The following CSMD1 variants were observed in gnomAD, a reference collection of about 807,000 sequenced individuals.
CSMD1 encodes CUB and Sushi multiple domains 1, also known as CUB and sushi domain-containing protein 1.
In CSMD1, 213 loss-of-function variants were observed where a neutral mutation model predicts 417.5. That is an observed-to-expected ratio of 0.51 (90% CI 0.46 to 0.57). CSMD1 has a LOEUF of 0.57. CSMD1 is among the 20% of genes least tolerant of loss of function. The pLI is 0.00. For synonymous variants in CSMD1, 2,862 were observed against 1,736.8 expected (o/e 1.65, Z -16.11); for missense variants, 6,923 against 4,529.7 (o/e 1.53, Z -15.17).
chr8:3,887,903 A>G (rs576985020), intron 5 of CSMD1, among the ~76,000 whole-genome samples: 14 of 152,228 alleles, frequency 9.2e-5, no homozygotes, highest in Non-Finnish European at 1.5e-4. Flanking sequence ...ATGAAAACTC[A>G]GTTGACATCA....
chr8:4,041,083 C>A, intron 3 of CSMD1, among the ~76,000 whole-genome samples: 1 of 135,928 alleles, frequency 7.4e-6, no homozygotes, highest in East Asian at 2.2e-4. Flanking sequence ...GTGGCGCGAT[C>A]TCGGCTCACT....
chr8:4,255,799 G>A (rs966502138), intron 3 of CSMD1, among the ~76,000 whole-genome samples: 8 of 152,120 alleles, frequency 5.3e-5, no homozygotes, highest in African/African-American at 1.7e-4. Context: ...TCCATTCCAT[G>A]GCCTCCTCTG....
intron 3 of CSMD1, among the ~76,000 whole-genome samples, chr8:4,348,549 G>A (rs1020400541): frequency 7.4e-5 from 11 of 149,518 alleles, no homozygotes; most frequent in Non-Finnish European, 1.5e-4. Context: ...AAATAAAAGT[G>A]TGTGTGTGCA....
At chr8:3,880,093 C>T (rs746164068) in intron 5 of CSMD1, among the ~76,000 whole-genome samples, 10 of 151,730 alleles carry the variant, frequency 6.6e-5, no homozygotes, top group Non-Finnish European at 1.2e-4. Context: ...ACCTAACAAA[C>T]GTATTACTAA....
At chr8:2,949,242 C>T (rs1802456307) in intron 68 of CSMD1, 57 bp downstream of exon 68, 2 of 876,108 alleles carry the variant, frequency 2.3e-6, no homozygotes, top group Non-Finnish European at 3.6e-6. Flanking sequence ...TTCTTAGAAA[C>T]ATCATTGGAA....
intron 3 of CSMD1, among the ~76,000 whole-genome samples, chr8:4,074,968 C>T (rs1055034851): frequency 1.3e-5 from 2 of 152,114 alleles, no homozygotes; most frequent in African/African-American, 4.8e-5. Flanking sequence ...TTTGAGTCTG[C>T]CTTCCCTAAT....
At chr8:3,975,780 TGA>T (rs1554504062) in intron 5 of CSMD1, among the ~76,000 whole-genome samples, 130 of 152,342 alleles carry the variant, frequency 8.5e-4, no homozygotes, top group Admixed American at 1.8e-3. Context: ...AAGATTTCTC[TGA>T]TAACTTAAAA....
intron 2 of CSMD1, among the ~76,000 whole-genome samples, chr8:4,426,781 G>T (rs577555249): frequency 7.1e-6 from 1 of 141,146 alleles, no homozygotes; most frequent in African/African-American, 2.5e-5. Context: ...CAATACAGAT[G>T]ATATTATATA....
intron 3 of CSMD1, among the ~76,000 whole-genome samples, chr8:4,181,540 T>G (rs572918491): frequency 1.3e-5 from 2 of 152,244 alleles, no homozygotes; most frequent in Admixed American, 1.3e-4. Context: ...TAAGAAAGTT[T>G]ATGAATTTGT....
At chr8:3,249,621 T>C (rs1010108238) in intron 26 of CSMD1, among the ~76,000 whole-genome samples, 9 of 152,170 alleles carry the variant, frequency 5.9e-5, no homozygotes, top group African/African-American at 1.4e-4. Context: ...CATATATACA[T>C]ATAGGAGATA....
chr8:3,067,212 A>C (rs575346640), intron 49 of CSMD1, among the ~76,000 whole-genome samples: 1 of 152,256 alleles, frequency 6.6e-6, no homozygotes, highest in South Asian at 2.1e-4. Flanking sequence ...CCCATGCGTG[A>C]GACAGGAGAT....
chr8:3,670,920 A>AT (rs1395875941), intron 7 of CSMD1, among the ~76,000 whole-genome samples: 2 of 147,098 alleles, frequency 1.4e-5, no homozygotes, highest in African/African-American at 4.9e-5. Flanking sequence ...TGGGATATAT[A>AT]TGTATATGGG....
chr8:4,929,769 C>T (rs1258335900), intron 1 of CSMD1, among the ~76,000 whole-genome samples: 1 of 152,178 alleles, frequency 6.6e-6, no homozygotes, highest in Non-Finnish European at 1.5e-5. Context: ...TTATAAGCCA[C>T]AGGAGATGAT....
intron 1 of CSMD1, among the ~76,000 whole-genome samples, chr8:4,898,976 G>A (rs540054167): frequency 1.3e-5 from 2 of 152,026 alleles, no homozygotes; most frequent in South Asian, 2.1e-4. Context: ...TAATATTACG[G>A]TAATGATATC....
chr8:3,449,258 A>C (rs538167455), intron 12 of CSMD1, among the ~76,000 whole-genome samples: 3 of 152,316 alleles, frequency 2.0e-5, no homozygotes, highest in African/African-American at 7.2e-5. Flanking sequence ...AAACAGGCTT[A>C]TTCTGAAAAA....
chr8:3,506,586 C>A (rs1796837647), intron 10 of CSMD1, among the ~76,000 whole-genome samples: 1 of 152,160 alleles, frequency 6.6e-6, no homozygotes, highest in Non-Finnish European at 1.5e-5. Flanking sequence ...AACCACGCCT[C>A]TAAATATCTC....
intron 1 of CSMD1, among the ~76,000 whole-genome samples, chr8:4,959,104 G>C (rs899015907): frequency 2.2e-4 from 33 of 152,160 alleles, no homozygotes; most frequent in African/African-American, 7.5e-4. Flanking sequence ...TCTATGCTTA[G>C]TTTTAATATA....
intron 7 of CSMD1, chr8:3,704,868 G>A (rs1031834116): frequency 1.3e-5 from 2 of 152,256 alleles, no homozygotes; most frequent in Non-Finnish European, 2.9e-5. Flanking sequence ...CTGACAGTGA[G>A]CAGAGGGGAG....
In CSMD1 at chr8:4,334,636, T is replaced by A. The variant is rs76689347; in HGVS notation, c.415+85317A>T. On this transcript the variant is annotated intron_variant, in intron 3 of 69. Coordinates refer to ENST00000635120, the MANE Select transcript of CSMD1 (RefSeq NM_033225.6). ...CCTCTGGAGAATGCTGACTAATACA[T>A]AGCTTTATACCTTCTATGGTTAGAG... 9.9e-3 allele frequency among the ~76,000 whole-genome samples: 1,515 copies of A among 152,286 alleles called. 9 individuals carry two copies. Among genetic ancestry groups the A allele is most frequent in the Middle Eastern group, 0.02 (6 of 294 alleles).
Sources: gnomAD v4.1 joint callset for allele counts (sites outside exome capture counted in the v4.1 genomes callset) on GRCh38, gnomAD v4.1.1 for gene constraint, MANE v1.5 for transcripts, NCBI Gene and HGNC (gene_info 2026-07-23, HGNC 2026-07-21) for gene names.